PRKG1: variants seen among roughly 807,000 people sequenced by gnomAD.
PRKG1 encodes the protein protein kinase cGMP-dependent 1.
Under a neutral mutation model 88.1 loss-of-function variants are expected in PRKG1, and 35 were observed. The ratio of observed to expected loss-of-function variants is 0.40; its 90% CI spans 0.30 to 0.53. PRKG1 has a LOEUF of 0.53. Among genes scored for constraint, PRKG1 ranks in the 20% least tolerant of loss-of-function variants. The pLI, the probability that PRKG1 is intolerant of heterozygous loss-of-function variation, is 0.59. For missense variants in PRKG1, 540 were observed against 839.8 expected (o/e 0.64, Z 4.41); for synonymous variants, 303 against 292.5 (o/e 1.04, Z -0.37).
intron 3 of PRKG1, among the ~76,000 whole-genome samples, chr10:51,797,561 T>TA (rs1302249749): frequency 6.8e-6 from 1 of 147,050 alleles, no homozygotes; most frequent in East Asian, 1.9e-4. Context: ...TATAATATTT[T>TA]ATTATATTAT....
intron 4 of PRKG1, among the ~76,000 whole-genome samples, chr10:51,870,274 A>G (rs1841122574): frequency 6.6e-6 from 1 of 152,168 alleles, no homozygotes; most frequent in Admixed American, 6.5e-5. Flanking sequence ...GTTGATTTTT[A>G]CTAGATTTTC....
intron 9 of PRKG1, among the ~76,000 whole-genome samples, chr10:52,237,166 T>C (rs1168354531): frequency 8.5e-6 from 1 of 117,694 alleles, no homozygotes; most frequent in African/African-American, 3.0e-5. Context: ...ATGGGACGTA[T>C]TTCAAAATAA....
chr10:51,035,071 G>C (rs928854128), intron 1 of PRKG1, among the ~76,000 whole-genome samples: 1 of 151,942 alleles, frequency 6.6e-6, no homozygotes, highest in Non-Finnish European at 1.5e-5. Context: ...TGATGGTAAC[G>C]GTCGTAAAAG....
intron 2 of PRKG1, among the ~76,000 whole-genome samples, chr10:51,425,740 G>A (rs1193257848): frequency 6.6e-6 from 1 of 152,158 alleles, no homozygotes; most frequent in Non-Finnish European, 1.5e-5. Flanking sequence ...AAACATGCCA[G>A]CCTTATACCT....
intron 5 of PRKG1, among the ~76,000 whole-genome samples, chr10:52,041,875 T>A (rs1845762176): frequency 6.6e-6 from 1 of 152,110 alleles, no homozygotes; most frequent in South Asian, 2.1e-4. Context: ...AAAATCAATA[T>A]ATTTAAATTG....
At chr10:51,068,235 C>T (rs532826846) in intron 1 of PRKG1, among the ~76,000 whole-genome samples, 15 of 152,020 alleles carry the variant, frequency 9.9e-5, no homozygotes, top group African/African-American at 2.9e-4. Context: ...TTGAAGATTC[C>T]TTAATTTGAA....
chr10:51,732,474 C>T (rs1837138616), intron 3 of PRKG1, among the ~76,000 whole-genome samples: 1 of 152,192 alleles, frequency 6.6e-6, no homozygotes, highest in Non-Finnish European at 1.5e-5. Context: ...GGTGGAAATC[C>T]ACGACAAAAA....
chr10:51,345,211 CATT>C lies in PRKG1; in HGVS notation c.479-122511_479-122509del, dbSNP rs1464733119. On this transcript the variant is annotated intron_variant, in intron 2 of 17. Coordinates refer to ENST00000373980, the MANE Select transcript of PRKG1 (RefSeq NM_006258.4). ...ACCCTATTTTAAACGTTGCTTCTAA[CATT>C]GTTGCAAATTCTTTGCTGATGAGAA... 9.2e-5 allele frequency among the ~76,000 whole-genome samples: 14 copies of C among 152,206 alleles called. No homozygotes were observed. In the East Asian group the frequency reaches 2.7e-3, roughly 29 times the overall value.
chr10:51,311,421 AGTT>A, intron 2 of PRKG1, among the ~76,000 whole-genome samples: 1 of 152,322 alleles, frequency 6.6e-6, no homozygotes, highest in Middle Eastern at 3.4e-3. Flanking sequence ...TGGTGTGTTC[AGTT>A]ACATGCAACA....
At chr10:51,416,847 T>A (rs552418601) in intron 2 of PRKG1, among the ~76,000 whole-genome samples, 1 of 152,344 alleles carries the variant, frequency 6.6e-6, no homozygotes, top group Admixed American at 6.5e-5. Context: ...TGTGCACGGA[T>A]GTGACTCTTA....
intron 3 of PRKG1, among the ~76,000 whole-genome samples, chr10:51,685,065 C>T (rs563478478): frequency 6.6e-6 from 1 of 152,150 alleles, no homozygotes; most frequent in South Asian, 2.1e-4. Context: ...TTCACTGTTG[C>T]CCAAAAATCA....
chr10:52,208,255 A>G (rs912945233), intron 9 of PRKG1, among the ~76,000 whole-genome samples: 1 of 152,138 alleles, frequency 6.6e-6, no homozygotes, highest in African/African-American at 2.4e-5. Context: ...AATGAAAGGA[A>G]CTCAAGACAA....
chr10:51,917,002 A>T (rs1488507668), intron 5 of PRKG1, among the ~76,000 whole-genome samples: 1 of 152,108 alleles, frequency 6.6e-6, no homozygotes, highest in African/African-American at 2.4e-5. Context: ...GTGAAGGAGG[A>T]CAGTGGAGAA....
At chr10:51,870,409 T>C (rs892251588) in intron 4 of PRKG1, among the ~76,000 whole-genome samples, 3 of 147,792 alleles carry the variant, frequency 2.0e-5, no homozygotes, top group Non-Finnish European at 4.4e-5. Context: ...TCCTCTTCCT[T>C]TCACCGTCCA....
intron 9 of PRKG1, among the ~76,000 whole-genome samples, chr10:52,213,988 A>T (rs1407720565): frequency 3.3e-5 from 5 of 152,166 alleles, no homozygotes; most frequent in African/African-American, 1.2e-4. Flanking sequence ...AATAAAATGT[A>T]TATGTTTCAA....
chr10:51,818,590 T>G (rs1839654001), intron 4 of PRKG1, among the ~76,000 whole-genome samples: 1 of 152,184 alleles, frequency 6.6e-6, no homozygotes, highest in Admixed American at 6.5e-5. Flanking sequence ...CACTATACAA[T>G]GTGTTTGATC....
intron 3 of PRKG1, among the ~76,000 whole-genome samples, chr10:51,494,818 G>A (rs1840807434): frequency 6.6e-6 from 1 of 152,028 alleles, no homozygotes; most frequent in Non-Finnish European, 1.5e-5. Context: ...AATTTATTCT[G>A]TTCATTTTAT....
chr10:52,285,041 T>C (rs1295526907), intron 14 of PRKG1, among the ~76,000 whole-genome samples: 1 of 151,998 alleles, frequency 6.6e-6, no homozygotes, highest in African/African-American at 2.4e-5. Flanking sequence ...CCTGTTCTAT[T>C]CTTCATGGTA....
At chr10:51,364,711 G>T (rs1842554069) in intron 2 of PRKG1, among the ~76,000 whole-genome samples, 1 of 151,766 alleles carries the variant, frequency 6.6e-6, no homozygotes, top group Non-Finnish European at 1.5e-5. Flanking sequence ...ATAATTCTTT[G>T]GTGTAAATAT....
Sources: gnomAD v4.1 joint callset for allele counts (sites outside exome capture counted in the v4.1 genomes callset) on GRCh38, gnomAD v4.1.1 for gene constraint, MANE v1.5 for transcripts, NCBI Gene and HGNC (gene_info 2026-07-23, HGNC 2026-07-21) for gene names.